Variants in ATF7IP observed in about 807,000 individuals in gnomAD.
The protein encoded by ATF7IP is activating transcription factor 7-interacting protein 1.
ATF7IP carries 23 observed loss-of-function variants against 106.4 expected under a neutral mutation model. The observed-to-expected ratio is 0.22, with a 90% CI of 0.16 to 0.31. The LOEUF is 0.31. Ranked by LOEUF, ATF7IP falls within the 10% of genes least tolerant of loss-of-function variation. The pLI, the probability that ATF7IP is intolerant of heterozygous loss-of-function variation, is 1.00. For missense variants in ATF7IP, 1,334 were observed against 1,524.3 expected (o/e 0.88, Z 2.08); for synonymous variants, 542 against 539.0 (o/e 1.01, Z -0.08).
intron 1 of ATF7IP, among the ~76,000 whole-genome samples, chr12:14,370,858 G>A (rs1938503897): frequency 6.6e-6 from 1 of 151,210 alleles, no homozygotes; most frequent in Non-Finnish European, 1.5e-5. Flanking sequence ...ATAAAGTATT[G>A]TACAATATTC....
chr12:14,410,580 A>G (rs2136496957), intron 1 of ATF7IP, among the ~76,000 whole-genome samples: 1 of 152,282 alleles, frequency 6.6e-6, no homozygotes, highest in Middle Eastern at 3.4e-3. Flanking sequence ...AAAAGATTAA[A>G]ATTTTTGACT....
At chr12:14,434,198 C>G in intron 2 of ATF7IP, 139 bp from the exon 3 acceptor site, 1 of 581,462 alleles carries the variant, frequency 1.7e-6, no homozygotes. Flanking sequence ...CCCCTTTTCC[C>G]CTCCCCAAAT....
intron 5 of ATF7IP, among the ~76,000 whole-genome samples, chr12:14,443,313 G>C (rs189681817): frequency 4.8e-4 from 73 of 152,230 alleles, no homozygotes; most frequent in African/African-American, 1.5e-3. Flanking sequence ...ACTGTTCCAG[G>C]GTATGGAGAA....
At chr12:14,433,659 A>G (rs949284389) in intron 2 of ATF7IP, among the ~76,000 whole-genome samples, 1 of 151,840 alleles carries the variant, frequency 6.6e-6, no homozygotes, top group African/African-American at 2.4e-5. Flanking sequence ...GACAAGAGCG[A>G]AACTCAGTCT....
intron 10 of ATF7IP, among the ~76,000 whole-genome samples, chr12:14,469,791 GAGTTGA>G (rs1260893417): frequency 6.6e-6 from 1 of 152,178 alleles, no homozygotes; most frequent in Non-Finnish European, 1.5e-5. Context: ...AAAATTTGCA[GAGTTGA>G]AGTTCAGAGA....
At chr12:14,491,013 G>T (rs1944800300) in intron 13 of ATF7IP, among the ~76,000 whole-genome samples, 1 of 152,106 alleles carries the variant, frequency 6.6e-6, no homozygotes. Flanking sequence ...AGATGACAGG[G>T]CTTTGCTCCA....
intron 1 of ATF7IP, among the ~76,000 whole-genome samples, chr12:14,368,309 T>G (rs1938390962): frequency 6.6e-6 from 1 of 152,102 alleles, no homozygotes; most frequent in Non-Finnish European, 1.5e-5. Flanking sequence ...TTATGAGTAT[T>G]TTCCCATTTC....
intron 6 of ATF7IP, among the ~76,000 whole-genome samples, chr12:14,452,683 T>G (rs187389037): frequency 1.1e-3 from 169 of 152,316 alleles, no homozygotes; most frequent in Non-Finnish European, 1.5e-3. Flanking sequence ...GTGTATCTGT[T>G]AACATATTTT....
At chr12:14,468,600 G>A (rs1195352725) in intron 10 of ATF7IP, among the ~76,000 whole-genome samples, 1 of 152,002 alleles carries the variant, frequency 6.6e-6, no homozygotes, top group Non-Finnish European at 1.5e-5. Context: ...TTGGCTTCAA[G>A]GAAGAGGAAT....
intron 1 of ATF7IP, among the ~76,000 whole-genome samples, chr12:14,372,791 C>A (rs555019228): frequency 6.6e-6 from 1 of 152,018 alleles, no homozygotes; most frequent in Admixed American, 6.6e-5. Context: ...TTGTATAGCC[C>A]TATGCTACTT....
intron 1 of ATF7IP, among the ~76,000 whole-genome samples, chr12:14,405,980 A>G (rs548844317): frequency 4.6e-5 from 7 of 152,238 alleles, no homozygotes; most frequent in Non-Finnish European, 7.3e-5. Flanking sequence ...ACTGGCCAGT[A>G]TGAGCAAAAA....
chr12:14,416,677 A>G (rs755271871), intron 1 of ATF7IP, among the ~76,000 whole-genome samples: 76 of 152,340 alleles, frequency 5.0e-4, no homozygotes, highest in Non-Finnish European at 9.1e-4. Context: ...ATCTAGAGTT[A>G]TATTCCTAAT....
chr12:14,466,205 T>G, intron 9 of ATF7IP: 1 of 199,080 alleles, frequency 5.0e-6, no homozygotes, highest in Non-Finnish European at 1.0e-5. Flanking sequence ...TGTGGAGGAA[T>G]TATATTTTGT....
chr12:14,418,080 G>C (rs1419851076), intron 1 of ATF7IP, among the ~76,000 whole-genome samples: 1 of 151,988 alleles, frequency 6.6e-6, no homozygotes, highest in Non-Finnish European at 1.5e-5. Context: ...TTCATTTAAA[G>C]AAGAAGCTCG....
chr12:14,463,855 A>T (rs1157858387), intron 9 of ATF7IP, among the ~76,000 whole-genome samples: 2 of 152,194 alleles, frequency 1.3e-5, no homozygotes, highest in African/African-American at 2.4e-5. Context: ...TGTGGAAGAG[A>T]TGGAGAACTC....
At position 14,412,848 on chromosome 12, in the gene ATF7IP, T is replaced by C. The variant is rs1005306969; in HGVS notation, c.-7-11061T>C. Reference sequence around the variant, plus strand: ...GGCCAACATGGTGAAACCCCGTCTCTACTAAAAATACAAAAATTAGCCAGG... The same window carrying C: ...GGCCAACATGGTGAAACCCCGTCTCCACTAAAAATACAAAAATTAGCCAGG... On this transcript the variant is annotated intron_variant, in intron 1 of 14. Transcript: ENST00000261168. Among the ~76,000 whole-genome samples, 6 of 152,136 alleles carry C rather than the reference T, an allele frequency of 3.9e-5. No homozygotes were observed. In the East Asian group the frequency reaches 1.2e-3, roughly 29 times the overall value.
intron 2 of ATF7IP, among the ~76,000 whole-genome samples, chr12:14,427,381 G>A (rs1181952432): frequency 2.0e-5 from 3 of 147,578 alleles, no homozygotes; most frequent in Non-Finnish European, 3.0e-5. Context: ...TTTTTTTTCC[G>A]AGATGGAGTC....
chr12:14,416,798 G>C (rs1941228418), intron 1 of ATF7IP: 1 of 472,310 alleles, frequency 2.1e-6, no homozygotes, highest in African/African-American at 2.1e-5. Context: ...ACTGATGTCT[G>C]ATTGGTTTTA....
intron 6 of ATF7IP, among the ~76,000 whole-genome samples, chr12:14,455,035 C>T (rs867499486): frequency 2.0e-5 from 3 of 151,882 alleles, no homozygotes; most frequent in African/African-American, 7.3e-5. Flanking sequence ...AAAAATTAGC[C>T]GGGCCTGGTG....
Sources: allele counts gnomAD v4.1 joint callset (sites outside exome capture counted in the v4.1 genomes callset), GRCh38; gene constraint gnomAD v4.1.1; transcripts MANE v1.5; gene names NCBI Gene and HGNC (gene_info 2026-07-23, HGNC 2026-07-21).